The following DYSF variants were observed in gnomAD, a reference collection of about 807,000 sequenced individuals.
DYSF encodes the protein dystrophy-associated fer-1-like 1.
In DYSF, 212 loss-of-function variants were observed where a neutral mutation model predicts 274.9. The observed-to-expected ratio is 0.77, with a 90% CI of 0.69 to 0.86. The LOEUF (loss-of-function observed/expected upper bound fraction) is 0.86. DYSF is among the 40% of genes least tolerant of loss of function. DYSF has a pLI of 0.00. For missense variants in DYSF, 2,666 were observed against 2,783.2 expected, an observed-to-expected ratio of 0.96 and a Z score of 0.95; for synonymous variants, 1,091 against 1,078.7, an observed-to-expected ratio of 1.01 and a Z score of -0.22.
intron 1 of DYSF, among the ~76,000 whole-genome samples, chr2:71,477,834 A>G (rs1253756993): frequency 6.6e-6 from 1 of 152,246 alleles, no homozygotes; most frequent in Non-Finnish European, 1.5e-5. Context: ...GTATCAAAGA[A>G]GGATATTCAC....
intron 3 of DYSF, among the ~76,000 whole-genome samples, chr2:71,501,068 T>A (rs562767539): frequency 1.2e-4 from 19 of 152,148 alleles, no homozygotes; most frequent in Non-Finnish European, 2.6e-4. Flanking sequence ...GCCCCTAGGA[T>A]GGAGACACTC....
intron 29 of DYSF, among the ~76,000 whole-genome samples, chr2:71,573,480 G>A (rs75701651): frequency 0.038 from 5,711 of 152,212 alleles, 273 homozygotes; most frequent in African/African-American, 0.11. Flanking sequence ...GGGGGCTCCC[G>A]GGACTCCCTT....
At chr2:71,648,945 C>T (rs899812198) in intron 42 of DYSF, among the ~76,000 whole-genome samples, 12 of 152,012 alleles carry the variant, frequency 7.9e-5, no homozygotes, top group Non-Finnish European at 1.3e-4. Context: ...ACCATTTGTA[C>T]ATATTCAGGA....
chr2:71,595,952 G>A (rs2093394479), intron 32 of DYSF, among the ~76,000 whole-genome samples: 2 of 151,274 alleles, frequency 1.3e-5, no homozygotes, highest in South Asian at 4.2e-4. Context: ...GTGTCTGGCT[G>A]TCCTTCATCT....
At chr2:71,628,867 G>A (rs1480587814) in intron 41 of DYSF, among the ~76,000 whole-genome samples, 2 of 151,952 alleles carry the variant, frequency 1.3e-5, no homozygotes, top group African/African-American at 4.8e-5. Context: ...TGGGAGGATC[G>A]CTTGAGCCCA....
chr2:71,455,495 G>A (rs1425680958), intron 1 of DYSF, among the ~76,000 whole-genome samples: 1 of 152,184 alleles, frequency 6.6e-6, no homozygotes, highest in African/African-American at 2.4e-5. Context: ...GCTTTATCCA[G>A]GTGTTTCCAG....
chr2:71,459,497 G>C (rs530520174), intron 1 of DYSF, among the ~76,000 whole-genome samples: 232 of 152,306 alleles, frequency 1.5e-3, no homozygotes, highest in African/African-American at 5.0e-3. Flanking sequence ...TGAGCTGAGG[G>C]GGGGACACCT....
intron 53 of DYSF, among the ~76,000 whole-genome samples, chr2:71,680,340 G>GC (rs1030431179): frequency 5.3e-5 from 8 of 152,114 alleles, no homozygotes; most frequent in African/African-American, 9.7e-5. Flanking sequence ...GAGAAGACAG[G>GC]CCCCCCTTTT....
rs776035565 is a variant in DYSF at position 71,569,841 on chromosome 2, C to T, written c.2886C>T (p.Ala962=). ...ACAGTCTGCTCCATGACATGGACGC[C>T]GGTCACCTGAGCTTCGTGGAAGAGG... is the stretch of plus-strand genomic sequence containing the variant. ...PEKTLLHDMD[A]GHLSFVEEVF... The change falls in exon 27 of 56, where the codon GCC becomes GCT. Residue 962 remains alanine, a synonymous_variant. Coordinates refer to ENST00000410020, the MANE Select transcript of DYSF (RefSeq NM_001130987.2). 86 of 1,613,884 alleles carry T rather than the reference C, an allele frequency of 5.3e-5. No individual in the cohort carries two copies. The highest frequency in any genetic ancestry group is 1.5e-4 in the South Asian group (14 of 91,008).
intron 54 of DYSF, 71 bp downstream of exon 54, chr2:71,681,181 C>T: frequency 7.1e-7 from 1 of 1,404,526 alleles, no homozygotes; most frequent in African/African-American, 1.4e-5. Context: ...GGAGGCATCC[C>T]ATTGCATGGC....
At chr2:71,631,470 T>G (rs1574471412) in intron 41 of DYSF, among the ~76,000 whole-genome samples, 4 of 152,128 alleles carry the variant, frequency 2.6e-5, no homozygotes. Context: ...AAGCCTGGCC[T>G]CCCCCCACTC....
intron 3 of DYSF, among the ~76,000 whole-genome samples, chr2:71,501,687 T>C (rs1359467393): frequency 6.6e-6 from 1 of 152,252 alleles, no homozygotes; most frequent in African/African-American, 2.4e-5. Flanking sequence ...TGATTTCACT[T>C]TGCGGAATGT....
At chr2:71,585,169 G>A (rs2093024583) in intron 30 of DYSF, among the ~76,000 whole-genome samples, 1 of 152,204 alleles carries the variant, frequency 6.6e-6, no homozygotes, top group Admixed American at 6.5e-5. Context: ...GTAGAGGCCA[G>A]GGACGCTGCT....
intron 1 of DYSF, among the ~76,000 whole-genome samples, 163 bp downstream of exon 1, chr2:71,467,096 G>C (rs919872174): frequency 9.9e-5 from 15 of 152,258 alleles, no homozygotes; most frequent in Non-Finnish European, 1.8e-4. Flanking sequence ...CTGCAGGGGG[G>C]CGATGAGGAA....
chr2:71,483,332 C>T (rs370295174), intron 3 of DYSF, among the ~76,000 whole-genome samples: 6 of 152,198 alleles, frequency 3.9e-5, no homozygotes, highest in East Asian at 1.9e-4. Flanking sequence ...GCAAGGCAGC[C>T]GCTAACAAGC....
intron 30 of DYSF, among the ~76,000 whole-genome samples, chr2:71,580,094 T>G (rs2092836034): frequency 6.6e-6 from 1 of 152,256 alleles, no homozygotes; most frequent in South Asian, 2.1e-4. Flanking sequence ...ATGTCTCTCC[T>G]GCTCCATGGA....
chr2:71,499,605 T>G (rs185786842), intron 3 of DYSF, among the ~76,000 whole-genome samples: 99 of 152,322 alleles, frequency 6.5e-4, no homozygotes, highest in African/African-American at 2.3e-3. Flanking sequence ...CACCCCTGGA[T>G]GGTGAGTTTG....
chr2:71,665,682 C>T (rs2094987074), intron 47 of DYSF, among the ~76,000 whole-genome samples: 1 of 152,182 alleles, frequency 6.6e-6, no homozygotes, highest in African/African-American at 2.4e-5. Context: ...GTCCACTTCT[C>T]AGAAACAGTT....
At chr2:71,638,798 T>C (rs1220478004) in intron 41 of DYSF, among the ~76,000 whole-genome samples, 1 of 152,240 alleles carries the variant, frequency 6.6e-6, no homozygotes, top group Non-Finnish European at 1.5e-5. Context: ...AACATTCATG[T>C]ACAAGTTTTT....
Sources: gnomAD v4.1 joint callset for allele counts (sites outside exome capture counted in the v4.1 genomes callset) on GRCh38, gnomAD v4.1.1 for gene constraint, MANE v1.5 for transcripts, NCBI Gene and HGNC (gene_info 2026-07-23, HGNC 2026-07-21) for gene names.